Variants in RHOQ observed in about 807,000 individuals in gnomAD.
RHOQ encodes ras homolog family member Q, also known as rho-related GTP-binding protein RhoQ.
RHOQ carries 7 observed loss-of-function variants against 25.8 expected under a neutral mutation model. The ratio of observed to expected loss-of-function variants is 0.27; its 90% CI spans 0.15 to 0.51. RHOQ has a LOEUF of 0.51. Among genes scored for constraint, RHOQ ranks in the 20% least tolerant of loss-of-function variants. The pLI is 0.97. For synonymous variants in RHOQ, 97 were observed against 98.6 expected (o/e 0.98, Z 0.10); for missense variants, 165 against 260.6 (o/e 0.63, Z 2.53).
rs1993077 is a variant in RHOQ at position 46,551,066 on chromosome 2, C to A, written c.201+7254C>A. Among the ~76,000 whole-genome samples the A allele has an allele frequency of 4.6e-5, 7 of 152,206 alleles. No individual in the cohort carries two copies. In the East Asian group the frequency reaches 1.4e-3, roughly 29 times the overall value. On this transcript the variant is annotated intron_variant, in intron 2 of 4. Transcript: ENST00000238738. Reference sequence around the variant, plus strand: ...CCAGTGTGGACCCCCACACTGGACTCCCAGGGCCCAACTTCAGCTCTGCCA... The same window carrying A: ...CCAGTGTGGACCCCCACACTGGACTACCAGGGCCCAACTTCAGCTCTGCCA...
At chr2:46,549,030 G>T (rs1210024567) in intron 2 of RHOQ, among the ~76,000 whole-genome samples, 1 of 152,144 alleles carries the variant, frequency 6.6e-6, no homozygotes, top group African/African-American at 2.4e-5. Context: ...ACCAGCTCTC[G>T]TTGGTCTACA....
Position 46,581,757 on chromosome 2 carries a change from A to G in RHOQ, c.*674A>G, listed in dbSNP as rs1488256158. On this transcript the variant is annotated 3_prime_UTR_variant, in exon 5 of 5. Coordinates refer to ENST00000238738, the MANE Select transcript of RHOQ (RefSeq NM_012249.4). ...TTTATCATGAACACTAAAAATGTAC[A>G]CATTTTAGTTAATGTGCATTAAACT... The G allele has an allele frequency of 1.0e-6, 1 of 990,896 alleles. No individual in the cohort carries two copies. The highest frequency in any genetic ancestry group is 1.7e-5 in the African/African-American group (1 of 60,220). 61.4% of individuals were successfully genotyped at this position (990,896 alleles called of 1,614,324 possible).
At chr2:46,563,940 A>T (rs1017018551) in intron 2 of RHOQ, among the ~76,000 whole-genome samples, 1 of 151,558 alleles carries the variant, frequency 6.6e-6, no homozygotes, top group Non-Finnish European at 1.5e-5. Context: ...GTGGGCCACC[A>T]CGCCCAGCCC....
chr2:46,543,520 A>T, intron 1 of RHOQ: 1 of 603,694 alleles, frequency 1.7e-6, no homozygotes, highest in East Asian at 2.8e-5. Flanking sequence ...ACCGAGCGAG[A>T]CGTGGCTACG....
intron 2 of RHOQ, among the ~76,000 whole-genome samples, chr2:46,574,680 T>C (rs561694587): frequency 1.3e-5 from 2 of 152,310 alleles, no homozygotes; most frequent in East Asian, 3.9e-4. Flanking sequence ...CCCACAGCTC[T>C]AGATTATAGG....
At chr2:46,554,046 G>C (rs895957699) in intron 2 of RHOQ, among the ~76,000 whole-genome samples, 1 of 151,732 alleles carries the variant, frequency 6.6e-6, no homozygotes, top group Non-Finnish European at 1.5e-5. Context: ...TCTTTCTGTT[G>C]CTGGCTTATT....
chr2:46,545,065 G>A (rs1428356949), intron 2 of RHOQ, among the ~76,000 whole-genome samples: 2 of 152,200 alleles, frequency 1.3e-5, no homozygotes, highest in Non-Finnish European at 2.9e-5. Context: ...AGGAACGTCT[G>A]AAGATAGAGA....
rs1669441515 is a variant in RHOQ, at chr2:46,582,744, T to A, written c.*1661T>A. 6.6e-6 allele frequency: 1 copy of A among 152,668 alleles called. No individual in the cohort carries two copies. The highest frequency in any genetic ancestry group is 2.4e-5 in the African/African-American group (1 of 41,470). 9.5% of individuals were successfully genotyped at this position (152,668 alleles called of 1,614,324 possible). Reference sequence around the variant, plus strand: ...CTTTTATACTTGAAAATGACAGCCTTAAATGCTCATATCAGTCACAAATCT... The same window carrying A: ...CTTTTATACTTGAAAATGACAGCCTAAAATGCTCATATCAGTCACAAATCT... On this transcript the variant is annotated 3_prime_UTR_variant, in exon 5 of 5. Coordinates refer to ENST00000238738, the MANE Select transcript of RHOQ (RefSeq NM_012249.4).
rs985510222 is a variant in RHOQ, at chr2:46,548,340, C to T, written c.201+4528C>T. On this transcript the variant is annotated intron_variant, in intron 2 of 4. Transcript: ENST00000238738. The surrounding 1 kb of genome is among the most constrained non-coding windows in gnomAD (Gnocchi z 5.2). ...CTCCACCGGAGGCAGGCTTGGCATG[C>T]CCCACCTTCTGCATTTTAGCAGAAG... 2.0e-5 allele frequency among the ~76,000 whole-genome samples: 3 copies of T among 152,128 alleles called. No homozygotes were observed. Among genetic ancestry groups the T allele is most frequent in the Non-Finnish European group, 4.4e-5 (3 of 68,024 alleles).
chr2:46,543,410 C>G (rs1667906005), intron 1 of RHOQ: 1 of 603,084 alleles, frequency 1.7e-6, no homozygotes, highest in Non-Finnish European at 2.9e-6. Context: ...GGCTCCTGCT[C>G]CCCGCACTTC....
At chr2:46,570,425 A>G (rs746357806) in intron 2 of RHOQ, among the ~76,000 whole-genome samples, 1 of 152,058 alleles carries the variant, frequency 6.6e-6, no homozygotes, top group East Asian at 1.9e-4. Context: ...GGGCTATAAG[A>G]GTGAGACTTC....
Position 46,558,671 on chromosome 2 carries a change from CAA to C in RHOQ, c.201+14861_201+14862del, listed in dbSNP as rs528304337. 3.9e-3 allele frequency among the ~76,000 whole-genome samples: 589 copies of C among 152,286 alleles called. 4 individuals are homozygous for C. The highest frequency in any genetic ancestry group is 8.0e-3 in the Admixed American group (123 of 15,302). ...GGAAACTCATATCTTCCAGTTCTAACAAATTTTCCTGGATTATTTCTTTGGTT... is the reference window on the plus strand; with the variant it reads ...GGAAACTCATATCTTCCAGTTCTAACATTTTCCTGGATTATTTCTTTGGTT... On this transcript the variant is annotated intron_variant, in intron 2 of 4. Transcript: ENST00000238738.
intron 2 of RHOQ, among the ~76,000 whole-genome samples, chr2:46,544,116 A>G (rs1191074586): frequency 6.6e-6 from 1 of 152,122 alleles, no homozygotes; most frequent in African/African-American, 2.4e-5. Flanking sequence ...GCAGCCAATC[A>G]TGAAGCGCCC....
intron 2 of RHOQ, chr2:46,560,706 A>G (rs1206475944): frequency 2.3e-5 from 10 of 439,346 alleles, no homozygotes; most frequent in Non-Finnish European, 2.8e-5. Context: ...AGTCACTAAT[A>G]TTCTCATTAT....
At chr2:46,546,818 A>G (rs1445922132) in intron 2 of RHOQ, among the ~76,000 whole-genome samples, 1 of 152,008 alleles carries the variant, frequency 6.6e-6, no homozygotes, top group East Asian at 1.9e-4. Context: ...TGTGGGGAGA[A>G]AGGTTCACAG....
intron 2 of RHOQ, among the ~76,000 whole-genome samples, chr2:46,562,747 A>T (rs796685956): frequency 4.7e-4 from 72 of 152,264 alleles, no homozygotes; most frequent in African/African-American, 1.7e-3. Flanking sequence ...TATTTGAGAT[A>T]TATCAGTTTA....
rs1668279523 is a variant in RHOQ, at chr2:46,552,701, G to A, written c.201+8889G>A. ...AAGCCTAGAAGAGAACATTCATCCA[G>A]TCAGTCAACATACATTTCCTGAGCA... is the stretch of plus-strand genomic sequence containing the variant. On this transcript the variant is annotated intron_variant, in intron 2 of 4. Transcript: ENST00000238738. This position sits in a 1 kb window ranked among gnomAD's most constrained non-coding sequence, Gnocchi z 5.0. 1.3e-5 allele frequency among the ~76,000 whole-genome samples: 2 copies of A among 152,242 alleles called. No individual in the cohort carries two copies. The highest frequency in any genetic ancestry group is 4.1e-4 in the South Asian group (2 of 4,836).
intron 2 of RHOQ, among the ~76,000 whole-genome samples, chr2:46,575,442 C>CAA (rs1553422622): frequency 1.5e-5 from 2 of 136,612 alleles, no homozygotes; most frequent in East Asian, 2.1e-4. Flanking sequence ...CACACACACA[C>CAA]AATTAATAAA....
chr2:46,581,150 T>C lies in RHOQ; in HGVS notation c.*67T>C. The stretch of plus-strand genomic sequence containing the variant: ...GAAAGCAAATGAAATGCTACAGCTA[T>C]ACCCAGACCTTTTATAGGTAATGAA... On this transcript the variant is annotated 3_prime_UTR_variant, in exon 5 of 5. Coordinates refer to ENST00000238738, the MANE Select transcript of RHOQ (RefSeq NM_012249.4). 1.5e-6 allele frequency: 2 copies of C among 1,291,642 alleles called. No homozygotes were observed. Among genetic ancestry groups the C allele is most frequent in the Admixed American group, 2.5e-5 (1 of 39,580 alleles). 80.0% of individuals were successfully genotyped at this position (1,291,642 alleles called of 1,614,324 possible). A position where few individuals can be genotyped will look rare whatever the true frequency, so the allele number is the denominator to read the frequency against.
Sources: gnomAD v4.1 joint callset for allele counts (sites outside exome capture counted in the v4.1 genomes callset) on GRCh38, gnomAD v4.1.1 for gene constraint, Gnocchi (gnomAD v3.1) non-coding constraint, MANE v1.5 for transcripts, NCBI Gene and HGNC (gene_info 2026-07-23, HGNC 2026-07-21) for gene names.